OPCML: variants seen among roughly 807,000 people sequenced by gnomAD.
The protein encoded by OPCML is opioid binding protein/cell adhesion molecule like.
A neutral mutation model predicts 37.8 loss-of-function variants in OPCML; 13 were observed. The ratio of observed to expected loss-of-function variants is 0.34; its 90% CI spans 0.22 to 0.55. The LOEUF (loss-of-function observed/expected upper bound fraction) is 0.55, where lower values mean the gene tolerates loss of function less well. OPCML is among the 20% of genes least tolerant of loss of function. The pLI, the probability that OPCML is intolerant of heterozygous loss-of-function variation, is 0.91. For missense variants in OPCML, 341 were observed against 435.6 expected (o/e 0.78, Z 1.93); for synonymous variants, 176 against 168.8 (o/e 1.04, Z -0.33).
At chr11:132,599,600 T>A (rs1266829951) in intron 3 of OPCML, among the ~76,000 whole-genome samples, 1 of 152,180 alleles carries the variant, frequency 6.6e-6, no homozygotes, top group Non-Finnish European at 1.5e-5. Flanking sequence ...TTTGGTGGGC[T>A]CCACTTGTTA....
intron 2 of OPCML, among the ~76,000 whole-genome samples, chr11:132,910,214 A>G (rs1944381632): frequency 6.6e-6 from 1 of 152,224 alleles, no homozygotes. Context: ...TCCCGAATGG[A>G]GTCTGCAGGC....
intron 4 of OPCML, among the ~76,000 whole-genome samples, chr11:132,459,466 A>G (rs1397873464): frequency 6.7e-6 from 1 of 149,002 alleles, no homozygotes; most frequent in Non-Finnish European, 1.5e-5. Context: ...CTTCCTATAT[A>G]TATATCTACA....
At chr11:133,239,451 A>G (rs1262477144) in intron 1 of OPCML, among the ~76,000 whole-genome samples, 6 of 152,222 alleles carry the variant, frequency 3.9e-5, no homozygotes, top group Admixed American at 1.3e-4. Context: ...GAGTAGAGAG[A>G]AAAAGCCTGC....
intron 2 of OPCML, among the ~76,000 whole-genome samples, chr11:132,780,463 CT>C (rs1318518950): frequency 2.0e-5 from 3 of 152,154 alleles, no homozygotes; most frequent in Non-Finnish European, 4.4e-5. Flanking sequence ...TTTCACTCCC[CT>C]TTCCAAACTT....
chr11:133,475,723 A>G (rs1313626419), intron 1 of OPCML, among the ~76,000 whole-genome samples: 7 of 152,218 alleles, frequency 4.6e-5, no homozygotes, highest in Admixed American at 4.6e-4. Context: ...CTTTGAAAAT[A>G]TAATTTATTT....
chr11:133,113,224 T>C (rs1949284122), intron 1 of OPCML, among the ~76,000 whole-genome samples: 1 of 152,094 alleles, frequency 6.6e-6, no homozygotes, highest in Non-Finnish European at 1.5e-5. Flanking sequence ...TGCCTTATTT[T>C]GGATCTGTTT....
At chr11:133,117,813 A>G (rs1565456297) in intron 1 of OPCML, 1 of 984,766 alleles carries the variant, frequency 1.0e-6, no homozygotes, top group Non-Finnish European at 1.2e-6. Context: ...ACTAAGCTCT[A>G]ACTCTGGAAT....
intron 1 of OPCML, among the ~76,000 whole-genome samples, chr11:133,327,038 G>A (rs1269776053): frequency 6.9e-6 from 1 of 145,734 alleles, no homozygotes; most frequent in African/African-American, 2.6e-5. Context: ...GGGTGTGGGT[G>A]CGTGTATGTG....
chr11:133,030,708 A>G (rs1312236065), intron 1 of OPCML, among the ~76,000 whole-genome samples: 1 of 152,174 alleles, frequency 6.6e-6, no homozygotes, highest in African/African-American at 2.4e-5. Flanking sequence ...AATTAATAAA[A>G]CTGCTCATTT....
intron 2 of OPCML, among the ~76,000 whole-genome samples, chr11:132,672,675 C>T (rs1166979178): frequency 2.6e-5 from 4 of 152,138 alleles, no homozygotes; most frequent in Non-Finnish European, 4.4e-5. Flanking sequence ...ATTAAGAGAG[C>T]GAGAATTGTT....
chr11:133,154,280 G>A (rs1368692245), intron 1 of OPCML, among the ~76,000 whole-genome samples: 1 of 151,338 alleles, frequency 6.6e-6, no homozygotes, highest in African/African-American at 2.4e-5. Flanking sequence ...CTGGCCCCCC[G>A]CAAAAAGCCA....
chr11:133,203,134 G>A (rs763191178), intron 1 of OPCML, among the ~76,000 whole-genome samples: 35 of 152,168 alleles, frequency 2.3e-4, no homozygotes, highest in African/African-American at 7.7e-4. Flanking sequence ...AACAAAGCCC[G>A]TGGTAACTGG....
intron 3 of OPCML, among the ~76,000 whole-genome samples, chr11:132,574,410 C>T (rs1325885690): frequency 6.6e-6 from 1 of 151,524 alleles, no homozygotes; most frequent in African/African-American, 2.4e-5. Context: ...GAACTTTCCT[C>T]TTAGTATTAC....
chr11:133,044,449 G>C (rs1268016595), intron 1 of OPCML, among the ~76,000 whole-genome samples: 1 of 152,070 alleles, frequency 6.6e-6, no homozygotes, highest in African/African-American at 2.4e-5. Context: ...AAAAGGAAGG[G>C]GAAATCGGCT....
At chr11:133,071,691 T>C (rs1948538826) in intron 1 of OPCML, among the ~76,000 whole-genome samples, 3 of 152,224 alleles carry the variant, frequency 2.0e-5, no homozygotes, top group Admixed American at 2.0e-4. Context: ...TGGCCTATTG[T>C]TCATTTTTAA....
chr11:133,234,219 TA>T (rs1320181868), intron 1 of OPCML, among the ~76,000 whole-genome samples: 421 of 142,064 alleles, frequency 3.0e-3, no homozygotes, highest in African/African-American at 9.8e-3. Flanking sequence ...TTTTGTTTTC[TA>T]AAAAAAAAAG....
At chr11:133,172,104 TTTAAA>T (rs1412246858) in intron 1 of OPCML, among the ~76,000 whole-genome samples, 2 of 152,222 alleles carry the variant, frequency 1.3e-5, no homozygotes, top group African/African-American at 4.8e-5. Context: ...TAAAGTGTCC[TTTAAA>T]TTATTTTTGA....
chr11:133,246,125 T>TA (rs1940915249), intron 1 of OPCML, among the ~76,000 whole-genome samples: 2 of 152,012 alleles, frequency 1.3e-5, no homozygotes, highest in African/African-American at 2.4e-5. Flanking sequence ...AAGTAAAATT[T>TA]AAAAAAAATT....
intron 1 of OPCML, among the ~76,000 whole-genome samples, chr11:133,190,442 T>A (rs1478466644): frequency 6.6e-6 from 1 of 152,240 alleles, no homozygotes; most frequent in African/African-American, 2.4e-5. Context: ...TCTCTTCCTA[T>A]CTTTCCTCTT....
Sources: gnomAD v4.1 joint callset for allele counts (sites outside exome capture counted in the v4.1 genomes callset) on GRCh38, gnomAD v4.1.1 for gene constraint, MANE v1.5 for transcripts, NCBI Gene and HGNC (gene_info 2026-07-23, HGNC 2026-07-21) for gene names.